The following CASTOR2 variants were observed in gnomAD, a reference collection of about 807,000 sequenced individuals.
CASTOR2 encodes the protein GATS protein like 2.
In CASTOR2, 8 loss-of-function variants were observed where a neutral mutation model predicts 31.2. The observed-to-expected ratio is 0.26, with a 90% CI of 0.15 to 0.46. The LOEUF is 0.46. CASTOR2 is among the 20% of genes least tolerant of loss of function. The pLI is 0.99. For missense variants in CASTOR2, 216 were observed against 382.1 expected (o/e 0.57, Z 3.62); for synonymous variants, 162 against 158.7 (o/e 1.02, Z -0.16).
intron 1 of CASTOR2, among the ~76,000 whole-genome samples, chr7:75,003,924 C>T (rs1243970368): frequency 1.3e-5 from 2 of 152,162 alleles, no homozygotes; most frequent in Non-Finnish European, 2.9e-5. Context: ...AGCTCAGCCC[C>T]TGGGGACAGG....
intron 1 of CASTOR2, among the ~76,000 whole-genome samples, chr7:74,986,522 AAAG>A (rs1229576567): frequency 2.0e-5 from 3 of 151,934 alleles, no homozygotes; most frequent in Non-Finnish European, 2.9e-5. Flanking sequence ...AAAGAAAAAA[AAAG>A]AACATGGCTG....
intron 1 of CASTOR2, among the ~76,000 whole-genome samples, chr7:74,997,196 G>A (rs1367238350): frequency 5.9e-5 from 9 of 151,984 alleles, no homozygotes; most frequent in Admixed American, 5.9e-4. Flanking sequence ...TGGGACTACA[G>A]GTGCATGTTA....
intron 2 of CASTOR2, among the ~76,000 whole-genome samples, chr7:75,009,482 A>G (rs1804685240): frequency 6.6e-6 from 1 of 151,346 alleles, no homozygotes; most frequent in African/African-American, 2.4e-5. Flanking sequence ...GTTAACCAGG[A>G]TGGTCTCGAT....
chr7:74,999,527 A>C (rs1395048839), intron 1 of CASTOR2, among the ~76,000 whole-genome samples: 1 of 119,428 alleles, frequency 8.4e-6, no homozygotes, highest in African/African-American at 3.3e-5. Flanking sequence ...CTGGGCACTC[A>C]CCCTCCCCCT....
chr7:75,012,704 T>A (rs1804782337), intron 2 of CASTOR2, among the ~76,000 whole-genome samples: 2 of 151,474 alleles, frequency 1.3e-5, no homozygotes, highest in African/African-American at 4.9e-5. Context: ...AGTGGCATGA[T>A]CTCAGCTCAC....
Position 75,027,938 on chromosome 7 carries a change from G to A in CASTOR2, c.*3239G>A. On this transcript the variant is annotated 3_prime_UTR_variant, in exon 9 of 9. Transcript: ENST00000616305. The stretch of plus-strand genomic sequence containing the variant: ...GGTGGGAGGGTCTCTCCAGGCCCCA[G>A]ACCCCACTTGGAGGGGCATGTGTTT... 8.1e-6 allele frequency: 11 copies of A among 1,357,212 alleles called. No homozygotes were observed. In the South Asian group the frequency reaches 1.2e-4, roughly 15 times the overall value. 84.1% of individuals were successfully genotyped at this position (1,357,212 alleles called of 1,614,324 possible).
At chr7:75,019,328 C>T (rs1420316907) in intron 5 of CASTOR2, among the ~76,000 whole-genome samples, 9 of 151,736 alleles carry the variant, frequency 5.9e-5, no homozygotes, top group South Asian at 2.1e-4. Flanking sequence ...GACACAGACC[C>T]GCCCCAGAGC....
At chr7:74,985,124 G>A (rs1431906629) in intron 1 of CASTOR2, among the ~76,000 whole-genome samples, 4 of 152,116 alleles carry the variant, frequency 2.6e-5, no homozygotes, top group Non-Finnish European at 5.9e-5. Flanking sequence ...GTGACAGAGT[G>A]AGACCCTGTC....
Position 75,017,582 on chromosome 7 carries a change from C to G in CASTOR2, c.185-16C>G. 6.2e-7 allele frequency: 1 copy of G among 1,613,252 alleles called. No homozygotes were observed. The highest frequency in any genetic ancestry group is 8.5e-7 in the Non-Finnish European group (1 of 1,179,612). On this transcript the variant is annotated splice_polypyrimidine_tract_variant and intron_variant, in intron 2 of 8. Coordinates refer to ENST00000616305, the MANE Select transcript of CASTOR2 (RefSeq NM_001145064.3). Reference sequence around the variant, plus strand: ...ACCTCAGCAGTCACAGGACTGCCTTCTGTGTCTCCCTCCAGAGCTGCCCTC... The same window carrying G: ...ACCTCAGCAGTCACAGGACTGCCTTGTGTGTCTCCCTCCAGAGCTGCCCTC...
intron 6 of CASTOR2, among the ~76,000 whole-genome samples, chr7:75,020,490 ATT>A (rs587738996): frequency 3.2e-4 from 27 of 84,348 alleles, no homozygotes; most frequent in African/African-American, 3.1e-4. Context: ...CTCAGGCGTG[ATT>A]TTTTTTTTTT....
At position 75,024,428 on chromosome 7, in the gene CASTOR2, C is replaced by T. The variant is rs1281998115; in HGVS notation, c.830-12C>T. 13 of 1,551,422 alleles carry T rather than the reference C, an allele frequency of 8.4e-6. No homozygotes were observed. In the African/African-American group the frequency reaches 9.6e-5, roughly 11 times the overall value. ...GTTACACAGAGGCTAAGGACGGTCT[C>T]TCCTGTTCTAGATGAGTGTGGCATC... On this transcript the variant is annotated splice_polypyrimidine_tract_variant and intron_variant, in intron 7 of 8. Transcript: ENST00000616305.
At chr7:75,015,388 A>G (rs1406688427) in intron 2 of CASTOR2, among the ~76,000 whole-genome samples, 7 of 151,656 alleles carry the variant, frequency 4.6e-5, no homozygotes, top group East Asian at 3.9e-4. Flanking sequence ...TCCCACCTCA[A>G]CCTCCCAAGT....
chr7:74,976,028 G>C (rs1584458201), intron 1 of CASTOR2, among the ~76,000 whole-genome samples: 1 of 146,616 alleles, frequency 6.8e-6, no homozygotes, highest in African/African-American at 2.5e-5. Flanking sequence ...TGCAGCCCCA[G>C]CCAATGCCTT....
At chr7:75,007,954 C>T (rs1804642206) in intron 1 of CASTOR2, 40 bp from the exon 2 acceptor site, 8 of 1,613,780 alleles carry the variant, frequency 5.0e-6, no homozygotes, top group East Asian at 2.2e-5. Context: ...GGGGACCTGC[C>T]TGGACTAATG....
At chr7:74,991,561 C>T (rs1177886081) in intron 1 of CASTOR2, among the ~76,000 whole-genome samples, 40 of 152,274 alleles carry the variant, frequency 2.6e-4, no homozygotes, top group African/African-American at 8.9e-4. Context: ...GGTCTCTGCC[C>T]ACTCAGCAGC....
chr7:75,005,390 AG>A (rs1209270402), intron 1 of CASTOR2, among the ~76,000 whole-genome samples: 1 of 152,224 alleles, frequency 6.6e-6, no homozygotes, highest in Non-Finnish European at 1.5e-5. Flanking sequence ...AATGCACTTT[AG>A]ATCTACCCAT....
At chr7:74,999,237 C>G (rs1475494379) in intron 1 of CASTOR2, among the ~76,000 whole-genome samples, 10 of 152,022 alleles carry the variant, frequency 6.6e-5, no homozygotes, top group Non-Finnish European at 1.5e-4. Context: ...GTCTCGATCT[C>G]CTGACCTCGT....
At chr7:74,989,622 C>G (rs1177860748) in intron 1 of CASTOR2, among the ~76,000 whole-genome samples, 1 of 148,660 alleles carries the variant, frequency 6.7e-6, no homozygotes, top group Non-Finnish European at 1.5e-5. Flanking sequence ...CACTATGTTG[C>G]CCAGGCTGGT....
At chr7:75,005,069 G>A (rs1804576818) in intron 1 of CASTOR2, among the ~76,000 whole-genome samples, 1 of 151,880 alleles carries the variant, frequency 6.6e-6, no homozygotes, top group Non-Finnish European at 1.5e-5. Flanking sequence ...GTTTCACCAT[G>A]TTGGCCAGGC....
Sources: allele counts gnomAD v4.1 joint callset (sites outside exome capture counted in the v4.1 genomes callset), GRCh38; gene constraint gnomAD v4.1.1; transcripts MANE v1.5; gene names NCBI Gene and HGNC (gene_info 2026-07-23, HGNC 2026-07-21).